Variants in PPARGC1A observed in about 807,000 individuals in gnomAD.
The protein encoded by PPARGC1A is peroxisome proliferator-activated receptor gamma coactivator 1-alpha.
PPARGC1A carries 25 observed loss-of-function variants against 88.7 expected under a neutral mutation model. The ratio of observed to expected loss-of-function variants is 0.28; its 90% CI spans 0.21 to 0.39. The LOEUF is 0.39. Ranked by LOEUF, PPARGC1A falls within the 10% of genes least tolerant of loss-of-function variation. PPARGC1A has a pLI of 1.00. For missense variants in PPARGC1A, 880 were observed against 968.7 expected (o/e 0.91, Z 1.22); for synonymous variants, 363 against 355.6 (o/e 1.02, Z -0.24).
chr4:23,960,722 G>A, the PPARGC1A span, among the ~76,000 whole-genome samples: 1 of 152,116 alleles, frequency 6.6e-6, no homozygotes, highest in Non-Finnish European at 1.5e-5. Context: ...AGTTCAATTA[G>A]CTCTCTTATT....
chr4:23,817,269 C>T (rs766190827), intron 7 of PPARGC1A, among the ~76,000 whole-genome samples: 5 of 152,058 alleles, frequency 3.3e-5, no homozygotes, highest in African/African-American at 4.8e-5. Flanking sequence ...AGCTCATTAT[C>T]GCTTAAATAA....
the PPARGC1A span, among the ~76,000 whole-genome samples, chr4:23,999,138 C>T: frequency 3.3e-5 from 5 of 152,216 alleles, no homozygotes; most frequent in African/African-American, 4.8e-5. Context: ...TGCATATCTA[C>T]GAGAATACCA....
the PPARGC1A span, among the ~76,000 whole-genome samples, chr4:24,128,044 T>C: frequency 1.3e-5 from 2 of 152,158 alleles, no homozygotes; most frequent in Admixed American, 6.5e-5. Context: ...CTGCACACCA[T>C]ATGGGAATGA....
chr4:24,049,932 G>A, the PPARGC1A span, among the ~76,000 whole-genome samples: 16 of 152,100 alleles, frequency 1.1e-4, no homozygotes, highest in Non-Finnish European at 1.8e-4. Flanking sequence ...CAAAGCAATA[G>A]TTTCAAGATT....
the PPARGC1A span, among the ~76,000 whole-genome samples, chr4:24,451,042 G>C: frequency 6.6e-6 from 1 of 152,172 alleles, no homozygotes; most frequent in East Asian, 1.9e-4. Flanking sequence ...ATAGATCTAA[G>C]AGTAATAGTA....
the PPARGC1A span, among the ~76,000 whole-genome samples, chr4:24,362,568 A>G: frequency 6.6e-6 from 1 of 152,220 alleles, no homozygotes; most frequent in Admixed American, 6.5e-5. Flanking sequence ...GAAGGAGCCA[A>G]TGACAGGCCA....
At chr4:24,366,802 T>A in the PPARGC1A span, among the ~76,000 whole-genome samples, 1 of 152,190 alleles carries the variant, frequency 6.6e-6, no homozygotes. Flanking sequence ...GAGGTTCCCA[T>A]TGATAAAACG....
chr4:23,868,119 G>C (rs964566489), intron 2 of PPARGC1A, among the ~76,000 whole-genome samples: 1 of 152,086 alleles, frequency 6.6e-6, no homozygotes, highest in Non-Finnish European at 1.5e-5. Flanking sequence ...TTGAGTGGCA[G>C]AGCCCTTTCC....
At chr4:23,938,600 A>C in the PPARGC1A span, among the ~76,000 whole-genome samples, 1 of 152,210 alleles carries the variant, frequency 6.6e-6, no homozygotes, top group Non-Finnish European at 1.5e-5. Flanking sequence ...GAAGATTCAC[A>C]GTGTAAAGCA....
At chr4:24,051,839 G>A in the PPARGC1A span, among the ~76,000 whole-genome samples, 4,396 of 151,872 alleles carry the variant, frequency 0.029, 195 homozygotes, top group African/African-American at 0.1. Flanking sequence ...GTGAGATTAT[G>A]GAGTGAGCAG....
At chr4:24,317,555 T>TTAAAAAAAAAAAAAAA in the PPARGC1A span, among the ~76,000 whole-genome samples, 1 of 22,208 alleles carries the variant, frequency 4.5e-5, no homozygotes, top group African/African-American at 1.0e-4. Context: ...TTCAGAGGAC[T>TTAAAAAAAAAAAAAAA]AAAAAAAAAA....
At chr4:23,815,666 T>C (rs1285612539) in intron 7 of PPARGC1A, among the ~76,000 whole-genome samples, 1 of 152,148 alleles carries the variant, frequency 6.6e-6, no homozygotes, top group Non-Finnish European at 1.5e-5. Flanking sequence ...CATCCGTTTG[T>C]GCCGAGGAAG....
At chr4:23,917,376 C>CTT in the PPARGC1A span, among the ~76,000 whole-genome samples, 12 of 132,530 alleles carry the variant, frequency 9.1e-5, 1 homozygote, top group African/African-American at 3.4e-4. Flanking sequence ...TTCTTTCTTT[C>CTT]TTTTTTTTTT....
At chr4:24,421,355 G>C in the PPARGC1A span, among the ~76,000 whole-genome samples, 1 of 149,374 alleles carries the variant, frequency 6.7e-6, no homozygotes, top group Non-Finnish European at 1.5e-5. Flanking sequence ...CTGTCGCCCA[G>C]GCTGGAGTGC....
At chr4:24,272,678 C>T in the PPARGC1A span, among the ~76,000 whole-genome samples, 1 of 152,188 alleles carries the variant, frequency 6.6e-6, no homozygotes, top group Non-Finnish European at 1.5e-5. Flanking sequence ...GAAGAACCCC[C>T]AACGTCATCA....
the PPARGC1A span, among the ~76,000 whole-genome samples, chr4:24,130,206 G>T: frequency 6.6e-6 from 1 of 152,076 alleles, no homozygotes. Context: ...AATGCTCAGG[G>T]GACTGGATTT....
chr4:24,230,790 A>G, the PPARGC1A span, among the ~76,000 whole-genome samples: 239 of 152,216 alleles, frequency 1.6e-3, 1 homozygote, highest in African/African-American at 5.6e-3. Context: ...CTTGACAAAG[A>G]TAACTGCCAA....
the PPARGC1A span, among the ~76,000 whole-genome samples, chr4:24,163,812 A>T: frequency 6.6e-6 from 1 of 152,226 alleles, no homozygotes; most frequent in Admixed American, 6.5e-5. Flanking sequence ...CATCGCTCTC[A>T]TTAAGTACCA....
At chr4:24,245,542 C>T in the PPARGC1A span, among the ~76,000 whole-genome samples, 46 of 152,330 alleles carry the variant, frequency 3.0e-4, no homozygotes, top group East Asian at 7.9e-3. Context: ...TTAAATGATG[C>T]CAAGTTCATT....
Sources: gnomAD v4.1 joint callset for allele counts (sites outside exome capture counted in the v4.1 genomes callset) on GRCh38, gnomAD v4.1.1 for gene constraint, MANE v1.5 for transcripts, NCBI Gene and HGNC (gene_info 2026-07-23, HGNC 2026-07-21) for gene names.